EML4: variants seen among roughly 807,000 people sequenced by gnomAD.
The protein encoded by EML4 is EMAP like 4.
A neutral mutation model predicts 129.0 loss-of-function variants in EML4; 72 were observed. That is an observed-to-expected ratio of 0.56 (90% confidence interval 0.46 to 0.68). The LOEUF is 0.68. Ranked by LOEUF, EML4 falls within the 30% of genes least tolerant of loss-of-function variation. The pLI is 0.00. For synonymous variants in EML4, 532 were observed against 405.0 expected (o/e 1.31, Z -3.77); for missense variants, 1,363 against 1,190.6 (o/e 1.14, Z -2.13).
At chr2:42,265,478 A>C (rs906448278) in intron 6 of EML4, among the ~76,000 whole-genome samples, 2 of 152,046 alleles carry the variant, frequency 1.3e-5, no homozygotes, top group African/African-American at 4.8e-5. Flanking sequence ...GACCTCAAGC[A>C]GTCCTCCCGC....
chr2:42,306,365 G>C (rs987370463), intron 17 of EML4, among the ~76,000 whole-genome samples: 7 of 151,796 alleles, frequency 4.6e-5, no homozygotes, highest in African/African-American at 1.5e-4. Flanking sequence ...AACCACAAAG[G>C]AATTCACTTC....
intron 1 of EML4, among the ~76,000 whole-genome samples, chr2:42,243,959 C>T (rs1220236724): frequency 6.6e-6 from 1 of 152,162 alleles, no homozygotes; most frequent in African/African-American, 2.4e-5. Context: ...ACAGCTCTTA[C>T]ATTAGAATCT....
At chr2:42,188,793 T>C (rs1042092613) in intron 1 of EML4, among the ~76,000 whole-genome samples, 1 of 151,884 alleles carries the variant, frequency 6.6e-6, no homozygotes, top group African/African-American at 2.4e-5. Flanking sequence ...CCCATAGGGC[T>C]GGGATTACAG....
intron 14 of EML4, among the ~76,000 whole-genome samples, chr2:42,302,596 C>T (rs374085500): frequency 1.4e-4 from 21 of 151,630 alleles, no homozygotes; most frequent in African/African-American, 4.4e-4. Context: ...TACAGTGGCC[C>T]AGTCTTGGCT....
chr2:42,248,228 T>TC (rs1289988045), intron 2 of EML4, among the ~76,000 whole-genome samples: 3 of 152,146 alleles, frequency 2.0e-5, no homozygotes, highest in Non-Finnish European at 4.4e-5. Context: ...TACCTTGGTC[T>TC]CCAAAGTCTT....
chr2:42,205,994 T>C (rs1381014932), intron 1 of EML4, among the ~76,000 whole-genome samples: 1 of 152,214 alleles, frequency 6.6e-6, no homozygotes, highest in Non-Finnish European at 1.5e-5. Context: ...TTGCTAATCA[T>C]GATCATTTTT....
chr2:42,256,862 A>C (rs1676186032), intron 3 of EML4, among the ~76,000 whole-genome samples: 1 of 152,246 alleles, frequency 6.6e-6, no homozygotes, highest in Non-Finnish European at 1.5e-5. Flanking sequence ...GAAAGAAAGC[A>C]GTTTCATTTC....
chr2:42,230,141 C>G (rs998322597), intron 1 of EML4, among the ~76,000 whole-genome samples: 2 of 152,042 alleles, frequency 1.3e-5, no homozygotes, highest in African/African-American at 4.8e-5. Context: ...TTTTTTCATT[C>G]CCTGTTTTAT....
chr2:42,200,174 A>G (rs2103955302), intron 1 of EML4, among the ~76,000 whole-genome samples: 1 of 149,518 alleles, frequency 6.7e-6, no homozygotes, highest in African/African-American at 2.5e-5. Context: ...AAAAAAAAAA[A>G]ATTAGCTGGA....
At chr2:42,256,972 G>C (rs991185495) in intron 3 of EML4, among the ~76,000 whole-genome samples, 1 of 152,198 alleles carries the variant, frequency 6.6e-6, no homozygotes, top group Admixed American at 6.5e-5. Flanking sequence ...TGATATATTT[G>C]ATACAGCATT....
intron 1 of EML4, among the ~76,000 whole-genome samples, chr2:42,199,670 G>A (rs752318182): frequency 7.2e-5 from 11 of 152,314 alleles, no homozygotes; most frequent in African/African-American, 2.6e-4. Flanking sequence ...CTGAGGTTCT[G>A]TAAAGGATCT....
At chr2:42,286,468 GTGATAATCC>G in intron 10 of EML4, 89 bp downstream of exon 10, 1 of 788,176 alleles carries the variant, frequency 1.3e-6, no homozygotes, top group Non-Finnish European at 2.2e-6. Context: ...TGGCCATGAA[GTGATAATCC>G]TGAGTTGAAA....
intron 6 of EML4, among the ~76,000 whole-genome samples, chr2:42,268,333 T>G (rs930580659): frequency 7.2e-5 from 11 of 152,332 alleles, no homozygotes; most frequent in African/African-American, 2.6e-4. Context: ...ATACTATACC[T>G]TTTATATCAA....
chr2:42,300,773 C>T (rs1668238327), intron 13 of EML4, among the ~76,000 whole-genome samples: 1 of 152,156 alleles, frequency 6.6e-6, no homozygotes, highest in African/African-American at 2.4e-5. Flanking sequence ...GTTAAAGGAA[C>T]ATCAAGGTGG....
chr2:42,245,643 C>G lies in EML4; in HGVS notation c.164C>G (p.Ser55Cys), dbSNP rs1383726286. 3 of 1,613,250 alleles carry G rather than the reference C, an allele frequency of 1.9e-6. No individual in the cohort carries two copies. The highest frequency in any genetic ancestry group is 1.3e-5 in the African/African-American group (1 of 74,872). Residue 55 changes from serine to cysteine, a missense_variant, in exon 2 of 23, where the codon TCT (serine) becomes TGT (cysteine). Coordinates refer to ENST00000318522, the MANE Select transcript of EML4 (RefSeq NM_019063.5). ...GATGTTTTGAGGCGTCTTGCAATCT[C>G]TGAAGATCATGTGGCCTCAGTGAAA... ...LADVLRRLAI[S>C]EDHVASVKKS...
At chr2:42,268,769 C>T (rs1056615119) in intron 6 of EML4, among the ~76,000 whole-genome samples, 2 of 152,166 alleles carry the variant, frequency 1.3e-5, no homozygotes, top group South Asian at 2.1e-4. Flanking sequence ...ATAAGTGTCA[C>T]ATGATCTCAT....
chr2:42,318,943 C>A (rs1414433092), intron 19 of EML4, among the ~76,000 whole-genome samples: 9 of 152,028 alleles, frequency 5.9e-5, no homozygotes. Flanking sequence ...TGGCCTCAAG[C>A]AGTCCTCCCA....
chr2:42,253,431 T>A (rs1474875491), intron 2 of EML4, among the ~76,000 whole-genome samples: 1 of 152,166 alleles, frequency 6.6e-6, no homozygotes, highest in African/African-American at 2.4e-5. Flanking sequence ...AGGAAATACT[T>A]CTTTCTAATG....
At chr2:42,318,212 GCA>G (rs1161732877) in intron 19 of EML4, among the ~76,000 whole-genome samples, 1 of 152,186 alleles carries the variant, frequency 6.6e-6, no homozygotes, top group East Asian at 1.9e-4. Flanking sequence ...GTGGTTAAGA[GCA>G]CAGACTCTGA....
Sources: allele counts gnomAD v4.1 joint callset (sites outside exome capture counted in the v4.1 genomes callset), GRCh38; gene constraint gnomAD v4.1.1; transcripts MANE v1.5; gene names NCBI Gene and HGNC (gene_info 2026-07-23, HGNC 2026-07-21).